ARRB2: variants seen among roughly 807,000 people sequenced by gnomAD.
The protein encoded by ARRB2 is beta-arrestin-2.
In ARRB2, 21 loss-of-function variants were observed where a neutral mutation model predicts 53.4. The observed-to-expected ratio is 0.39, with a 90% CI of 0.28 to 0.57. The LOEUF is 0.57. Among genes scored for constraint, ARRB2 ranks in the 20% least tolerant of loss-of-function variants. The pLI, the probability that ARRB2 is intolerant of heterozygous loss-of-function variation, is 0.55. For missense variants in ARRB2, 369 were observed against 527.5 expected (o/e 0.70, Z 2.94); for synonymous variants, 180 against 212.9 (o/e 0.85, Z 1.34).
intron 1 of ARRB2, among the ~76,000 whole-genome samples, chr17:4,713,790 CA>C (rs562386798): frequency 2.5e-3 from 301 of 120,236 alleles, no homozygotes; most frequent in Admixed American, 2.8e-3. Context: ...ACTCCATCTC[CA>C]AAAAAAAAAA....
At chr17:4,715,501 A>ACAGACACACACACACACACG in intron 2 of ARRB2, 1 of 103,100 alleles carries the variant, frequency 9.7e-6, no homozygotes, top group Non-Finnish European at 1.8e-5. Flanking sequence ...ACACACACAT[A>ACAGACACACACACACACACG]CACACATACA....
At chr17:4,713,085 G>A (rs1211139320) in intron 1 of ARRB2, among the ~76,000 whole-genome samples, 5 of 152,212 alleles carry the variant, frequency 3.3e-5, no homozygotes, top group Non-Finnish European at 5.9e-5. Context: ...GGCCGGGCAC[G>A]GTGGCTCACG....
Position 4,717,136 on chromosome 17 carries a change from T to C in ARRB2, c.358-81T>C, listed in dbSNP as rs1915157009. The C allele has an allele frequency of 6.7e-7, 1 of 1,502,258 alleles. No homozygotes were observed. Among genetic ancestry groups the C allele is most frequent in the Non-Finnish European group, 9.3e-7 (1 of 1,079,188 alleles). 93.1% of individuals were successfully genotyped at this position (1,502,258 alleles called of 1,614,324 possible). A position where few individuals can be genotyped will look rare whatever the true frequency, so the allele number is the denominator to read the frequency against. On this transcript the variant is annotated intron_variant, in intron 5 of 14. Transcript: ENST00000269260. This position sits in a 1 kb window ranked among gnomAD's most constrained non-coding sequence, Gnocchi z 6.0. The stretch of plus-strand genomic sequence containing the variant: ...GGCATGAGCCACCACACCCAGCGTC[T>C]CCAGCCTCTTAGGTTGAGATTTGGA...
At position 4,717,081 on chromosome 17, in the gene ARRB2, A is replaced by G; in HGVS notation, c.358-136A>G. 9.8e-7 allele frequency: 1 copy of G among 1,025,230 alleles called. No homozygotes were observed. The highest frequency in any genetic ancestry group is 2.4e-5 in the East Asian group (1 of 41,410). 63.5% of individuals were successfully genotyped at this position (1,025,230 alleles called of 1,614,324 possible). A position where few individuals can be genotyped will look rare whatever the true frequency, so the allele number is the denominator to read the frequency against. Reference sequence around the variant, plus strand: ...ACCCCTGACCTCAGGTGATCCGCCCACCTTAGCCTTCCAAAGTGTTGGGAT... The same window carrying G: ...ACCCCTGACCTCAGGTGATCCGCCCGCCTTAGCCTTCCAAAGTGTTGGGAT... On this transcript the variant is annotated intron_variant, in intron 5 of 14. Coordinates refer to ENST00000269260, the MANE Select transcript of ARRB2 (RefSeq NM_004313.4). This position sits in a 1 kb window ranked among gnomAD's most constrained non-coding sequence, Gnocchi z 6.0.
At chr17:4,720,545 T>G in intron 13 of ARRB2, 41 bp from the exon 14 acceptor site, 1 of 1,573,744 alleles carries the variant, frequency 6.4e-7, no homozygotes, top group Non-Finnish European at 8.6e-7. Flanking sequence ...AACTGGCCCT[T>G]CCAGCACCCA....
At chr17:4,718,424 G>C in intron 9 of ARRB2, 79 bp downstream of exon 9, 1 of 1,498,670 alleles carries the variant, frequency 6.7e-7, no homozygotes, top group South Asian at 1.1e-5. Flanking sequence ...CTCAGCCCAG[G>C]CCATTTCCCA....
intron 1 of ARRB2, among the ~76,000 whole-genome samples, chr17:4,711,417 T>G (rs1391415387): frequency 6.6e-6 from 1 of 152,140 alleles, no homozygotes; most frequent in Non-Finnish European, 1.5e-5. Flanking sequence ...CCGAGTTCTC[T>G]TTTTTGGTCT....
intron 8 of ARRB2, 35 bp from the exon 9 acceptor site, chr17:4,718,226 C>G (rs759469772): frequency 7.5e-6 from 12 of 1,589,686 alleles, no homozygotes; most frequent in Non-Finnish European, 1.0e-5. Flanking sequence ...CAGTGAAAAC[C>G]AGTTCCAATT....
chr17:4,720,121 T>A, intron 11 of ARRB2, 95 bp from the exon 12 acceptor site: 1 of 1,324,260 alleles, frequency 7.6e-7, no homozygotes, highest in Non-Finnish European at 1.1e-6. Flanking sequence ...CCTGTGCGAG[T>A]TTGTGGTCCT....
In ARRB2 at chr17:4,717,127, C is replaced by T; in HGVS notation, c.358-90C>T. 7.0e-7 allele frequency: 1 copy of T among 1,426,978 alleles called. No homozygotes were observed. Among genetic ancestry groups the T allele is most frequent in the East Asian group, 2.3e-5 (1 of 43,772 alleles). 88.4% of individuals were successfully genotyped at this position (1,426,978 alleles called of 1,614,324 possible). Reference sequence around the variant, plus strand: ...GGGATTACAGGCATGAGCCACCACACCCAGCGTCTCCAGCCTCTTAGGTTG... The same window carrying T: ...GGGATTACAGGCATGAGCCACCACATCCAGCGTCTCCAGCCTCTTAGGTTG... On this transcript the variant is annotated intron_variant, in intron 5 of 14. Transcript: ENST00000269260. The surrounding 1 kb of genome is among the most constrained non-coding windows in gnomAD (Gnocchi z 6.0).
chr17:4,714,937 G>A (rs1914787644), intron 1 of ARRB2, 76 bp from the exon 2 acceptor site: 2 of 1,495,354 alleles, frequency 1.3e-6, no homozygotes, highest in South Asian at 1.2e-5. Flanking sequence ...CTCAGGCCTG[G>A]GAGGGAGAGG....
At position 4,718,268 on chromosome 17, in the gene ARRB2, A is replaced by G; in HGVS notation, c.629A>G (p.Tyr210Cys). ...ACCCCCTCCCCCCAAAAGCTGTACT[A>G]CCATGGGGAGCCCCTCAATGTAAAT... The part of the protein sequence containing the change: ...LEASLDKELY[Y>C]HGEPLNVNVH... The change falls in exon 9 of 15, where the codon TAC (tyrosine) becomes TGC (cysteine). Residue 210 changes from tyrosine to cysteine, a missense_variant. Coordinates refer to ENST00000269260, the MANE Select transcript of ARRB2 (RefSeq NM_004313.4). 6.2e-7 allele frequency: 1 copy of G among 1,611,366 alleles called. No homozygotes were observed.
chr17:4,717,281 G>A lies in ARRB2; in HGVS notation c.417+5G>A, dbSNP rs756952840. The A allele has an allele frequency of 1.0e-4, 165 of 1,613,944 alleles. No homozygotes were observed. Among genetic ancestry groups the A allele is most frequent in the Non-Finnish European group, 1.3e-4 (153 of 1,179,920 alleles). Reference sequence around the variant, plus strand: ...GGCCCAGAGGATACAGGAAAGGTACGGGAGGAACAGCTCTGAGGGCTCCTA... The same window carrying A: ...GGCCCAGAGGATACAGGAAAGGTACAGGAGGAACAGCTCTGAGGGCTCCTA... On this transcript the variant is annotated splice_donor_5th_base_variant and intron_variant, in intron 6 of 14. Transcript: ENST00000269260. The surrounding 1 kb of genome is among the most constrained non-coding windows in gnomAD (Gnocchi z 6.0).
chr17:4,718,443 G>A, intron 9 of ARRB2, 98 bp downstream of exon 9: 1 of 1,387,076 alleles, frequency 7.2e-7, no homozygotes, highest in Non-Finnish European at 1.0e-6. Flanking sequence ...CAGTGCGGGA[G>A]ACCCACCAGG....
At chr17:4,713,111 C>T (rs1454111356) in intron 1 of ARRB2, among the ~76,000 whole-genome samples, 2 of 152,088 alleles carry the variant, frequency 1.3e-5, no homozygotes, top group African/African-American at 4.8e-5. Flanking sequence ...AATCCCAGCA[C>T]TTTGGGAGGC....
At chr17:4,714,565 TC>T (rs1434336318) in intron 1 of ARRB2, 1 of 278,784 alleles carries the variant, frequency 3.6e-6, no homozygotes, top group Non-Finnish European at 6.6e-6. Flanking sequence ...AAGGGGCATT[TC>T]CCCTTGCCAC....
chr17:4,715,665 T>TCA (rs1484710128), intron 2 of ARRB2: 3 of 420,280 alleles, frequency 7.1e-6, no homozygotes, highest in Non-Finnish European at 1.3e-5. Flanking sequence ...ACATACATGT[T>TCA]CACACACACA....
intron 2 of ARRB2, 59 bp downstream of exon 2, chr17:4,715,102 T>C: frequency 1.3e-6 from 2 of 1,570,316 alleles, no homozygotes; most frequent in Non-Finnish European, 1.7e-6. Flanking sequence ...AAGCCCAGCC[T>C]TCCCCTAGAC....
At position 4,717,988 on chromosome 17, in the gene ARRB2, C is replaced by T. The variant is rs1223657333; in HGVS notation, c.586C>T (p.Arg196Trp). The stretch of plus-strand genomic sequence containing the variant: ...CACACGCCACTTCCTCATGTCTGAC[C>T]GGTCCCTGCACCTCGAGGCTTCCCT... ...ETTRHFLMSD[R>W]SLHLEASLDK... is the part of the protein sequence containing the mutation. The change falls in exon 8 of 15, where the codon CGG becomes TGG. Residue 196 changes from arginine to tryptophan, a missense_variant. Coordinates refer to ENST00000269260, the MANE Select transcript of ARRB2 (RefSeq NM_004313.4). This position sits in a 1 kb window ranked among gnomAD's most constrained non-coding sequence, Gnocchi z 6.0. 6.8e-6 allele frequency: 11 copies of T among 1,613,582 alleles called. No individual in the cohort carries two copies. The highest frequency in any genetic ancestry group is 2.7e-5 in the African/African-American group (2 of 75,038).
Sources: allele counts gnomAD v4.1 joint callset (sites outside exome capture counted in the v4.1 genomes callset), GRCh38; gene constraint gnomAD v4.1.1; non-coding constraint Gnocchi (gnomAD v3.1); transcripts MANE v1.5; gene names NCBI Gene and HGNC (gene_info 2026-07-23, HGNC 2026-07-21).